Variants in LLGL2 observed in about 807,000 individuals in gnomAD.
LLGL2 encodes the protein LLGL2, scribble cell polarity complex component.
Under a neutral mutation model 123.2 loss-of-function variants are expected in LLGL2, and 81 were observed. That is an observed-to-expected ratio of 0.66 (90% CI 0.55 to 0.79). The LOEUF (loss-of-function observed/expected upper bound fraction) is 0.79. Among genes scored for constraint, LLGL2 ranks in the 30% least tolerant of loss-of-function variants. The probability of loss-of-function intolerance (pLI) is 0.00; values close to 1 mark genes in which losing one functional copy is unlikely to be tolerated. For missense variants in LLGL2, 1,273 were observed against 1,414.6 expected (o/e 0.90, Z 1.61); for synonymous variants, 577 against 594.1 (o/e 0.97, Z 0.42).
At chr17:75,556,304 T>C (rs2054911625) in intron 3 of LLGL2, among the ~76,000 whole-genome samples, 161 bp downstream of exon 3, 2 of 151,962 alleles carry the variant, frequency 1.3e-5, no homozygotes, top group African/African-American at 4.8e-5. Flanking sequence ...ATGGGGCAGG[T>C]ATGGTTGATG....
intron 2 of LLGL2, among the ~76,000 whole-genome samples, chr17:75,545,277 G>C (rs1339720044): frequency 6.6e-6 from 1 of 152,080 alleles, no homozygotes. Flanking sequence ...GAGGCTCCTG[G>C]GTCTCCTGCT....
At chr17:75,530,750 G>T (rs887504914) in intron 1 of LLGL2, among the ~76,000 whole-genome samples, 1 of 152,156 alleles carries the variant, frequency 6.6e-6, no homozygotes, top group Non-Finnish European at 1.5e-5. Context: ...GTTTGAGGCT[G>T]CAGTGAACTA....
chr17:75,568,086 G>A, intron 10 of LLGL2: 1 of 1,118,722 alleles, frequency 8.9e-7, no homozygotes, highest in Non-Finnish European at 1.1e-6. Flanking sequence ...GTGTGCTGAA[G>A]ACCACGCGTG....
intron 2 of LLGL2, among the ~76,000 whole-genome samples, chr17:75,550,537 C>T (rs2147276584): frequency 6.6e-6 from 1 of 152,248 alleles, no homozygotes; most frequent in East Asian, 1.9e-4. Context: ...GTAATCCCAG[C>T]ACTTTGGGAG....
chr17:75,560,267 G>A (rs1427009696), intron 6 of LLGL2, among the ~76,000 whole-genome samples: 1 of 152,206 alleles, frequency 6.6e-6, no homozygotes, highest in Non-Finnish European at 1.5e-5. Flanking sequence ...GGTAGGGCTG[G>A]GGCAGTGTGT....
chr17:75,555,300 T>A (rs2054858404), intron 2 of LLGL2, among the ~76,000 whole-genome samples: 1 of 151,390 alleles, frequency 6.6e-6, no homozygotes, highest in Non-Finnish European at 1.5e-5. Context: ...CTTTTTTTTT[T>A]TTTTTTTGAG....
At position 75,571,788 on chromosome 17, in the gene LLGL2, G is replaced by A. The variant is rs1395221333; in HGVS notation, c.2293+5G>A. The A allele has an allele frequency of 1.2e-6, 2 of 1,606,126 alleles. No homozygotes were observed. Among genetic ancestry groups the A allele is most frequent in the East Asian group, 4.5e-5 (2 of 44,860 alleles). On this transcript the variant is annotated splice_donor_5th_base_variant and intron_variant, in intron 18 of 25. Coordinates refer to ENST00000392550, the MANE Select transcript of LLGL2 (RefSeq NM_001031803.2). The stretch of plus-strand genomic sequence containing the variant: ...AGCCTGTGCGGGCAGAGCAGGGTGA[G>A]TGCTGGGCAGGGAGAGCAGAGGGTG...
chr17:75,569,188 G>A (rs748296570), intron 13 of LLGL2, 33 bp from the exon 14 acceptor site: 22 of 1,612,214 alleles, frequency 1.4e-5, no homozygotes, highest in Middle Eastern at 1.6e-4. Flanking sequence ...TCCTGTCCCC[G>A]TGGCTGCTCA....
chr17:75,565,506 G>A (rs556220892), intron 10 of LLGL2, among the ~76,000 whole-genome samples: 4 of 152,276 alleles, frequency 2.6e-5, no homozygotes, highest in South Asian at 4.1e-4. Context: ...TGAGAGCAGG[G>A]CCCAGCTCTG....
Position 75,571,670 on chromosome 17 carries a change from C to T in LLGL2, c.2180C>T (p.Ser727Phe), listed in dbSNP as rs34255252. ...YFADTYLKDS[S>F]RHCPSLWAGT... is the part of the protein sequence containing the mutation. ...CCCAAACATGGCTTCTCGGCAGGCT[C>T]CCGGCACTGCCCCTCGCTGTGGGCT... The change falls in exon 18 of 26, where the codon TCC becomes TTC. Residue 727 changes from serine (S) to phenylalanine (F), a missense_variant. Physicochemically the swap from Ser to Phe is radical, Grantham distance 155. Transcript: ENST00000392550. 2,503 of 1,607,372 alleles carry T rather than the reference C, an allele frequency of 1.6e-3. 4 individuals carry two copies. Among genetic ancestry groups the T allele is most frequent in the Non-Finnish European group, 1.8e-3 (2,164 of 1,179,220 alleles).
At position 75,574,494 on chromosome 17, in the gene LLGL2, G is replaced by A. The variant is rs747498972; in HGVS notation, c.2995G>A (p.Gly999Arg). 16 of 1,559,628 alleles carry A rather than the reference G, an allele frequency of 1.0e-5. No homozygotes were observed. The South Asian group carries it at 1.2e-4, about 11-fold the overall frequency. ...EIQSTLEGDR[G>R]SGNWRSHRAA... ...CCAGAGCACACTGGAGGGAGACCGC[G>A]GGTGAGGCACCGCCCAGGCCAGCTG... The change falls in exon 24 of 26, where the codon GGG becomes AGG. Residue 999 changes from glycine (G) to arginine (R), a missense_variant and splice_region_variant. Transcript: ENST00000392550.
At chr17:75,527,801 G>C (rs1344891914) in intron 1 of LLGL2, among the ~76,000 whole-genome samples, 1 of 151,102 alleles carries the variant, frequency 6.6e-6, no homozygotes, top group African/African-American at 2.4e-5. Context: ...TTTTGAGGCA[G>C]AGTCTTGCTC....
chr17:75,562,029 T>C (rs1333639995), intron 6 of LLGL2, among the ~76,000 whole-genome samples: 1 of 152,190 alleles, frequency 6.6e-6, no homozygotes, highest in African/African-American at 2.4e-5. Flanking sequence ...GTGCCAGATA[T>C]AGATAATGTG....
intron 1 of LLGL2, among the ~76,000 whole-genome samples, chr17:75,529,903 C>G (rs1000031067): frequency 6.6e-6 from 1 of 152,108 alleles, no homozygotes; most frequent in African/African-American, 2.4e-5. Flanking sequence ...TTTTTAGTGT[C>G]TTTCTAGGCT....
intron 23 of LLGL2, 72 bp from the exon 24 acceptor site, chr17:75,574,381 A>G: frequency 6.5e-7 from 1 of 1,539,612 alleles, no homozygotes; most frequent in Non-Finnish European, 8.8e-7. Flanking sequence ...ACCCACGGAG[A>G]AAGGGGGTGG....
chr17:75,574,907 G>A lies in LLGL2; in HGVS notation c.*29G>A. On this transcript the variant is annotated 3_prime_UTR_variant, in exon 26 of 26. Transcript: ENST00000392550. ...GCTGAGCGTCCAGGCTGCGCGATGA[G>A]CACACACTACTACTGATGGCCTTTC... The A allele has an allele frequency of 1.9e-6, 3 of 1,613,960 alleles. No homozygotes were observed. The highest frequency in any genetic ancestry group is 2.5e-6 in the Non-Finnish European group (3 of 1,179,960).
intron 10 of LLGL2, chr17:75,568,034 T>C: frequency 1.9e-6 from 2 of 1,034,178 alleles, no homozygotes; most frequent in South Asian, 4.0e-5. Flanking sequence ...AGTGAGGTGA[T>C]GTGATTGTGT....
intron 2 of LLGL2, 40 bp downstream of exon 2, chr17:75,543,541 C>T (rs373532638): frequency 1.8e-5 from 29 of 1,570,994 alleles, no homozygotes; most frequent in Middle Eastern, 1.7e-4. Context: ...CCCAGGTTTT[C>T]GGCCAAGCAG....
intron 2 of LLGL2, among the ~76,000 whole-genome samples, chr17:75,545,302 C>G (rs1045223008): frequency 1.3e-5 from 2 of 152,156 alleles, no homozygotes; most frequent in African/African-American, 4.8e-5. Flanking sequence ...CTTCTTCTTT[C>G]CATTCATATG....
Sources: gnomAD v4.1 joint callset for allele counts (sites outside exome capture counted in the v4.1 genomes callset) on GRCh38, gnomAD v4.1.1 for gene constraint, MANE v1.5 for transcripts, NCBI Gene and HGNC (gene_info 2026-07-23, HGNC 2026-07-21) for gene names.